Variants in KANSL3 observed in about 807,000 individuals in gnomAD.
The protein encoded by KANSL3 is KAT8 regulatory NSL complex subunit 3.
KANSL3 carries 16 observed loss-of-function variants against 89.2 expected under a neutral mutation model. The ratio of observed to expected loss-of-function variants is 0.18; its 90% confidence interval spans 0.12 to 0.27. KANSL3 has a LOEUF of 0.27. Ranked by LOEUF, KANSL3 falls within the 10% of genes least tolerant of loss-of-function variation. KANSL3 has a pLI of 1.00. For missense variants in KANSL3, 879 were observed against 1,110.6 expected (o/e 0.79, Z 2.96); for synonymous variants, 385 against 419.7 (o/e 0.92, Z 1.01).
chr2:96,588,736 G>A (rs1180734359), downstream of KANSL3, among the ~76,000 whole-genome samples: 1 of 151,220 alleles, frequency 6.6e-6, no homozygotes, highest in African/African-American at 2.4e-5. Context: ...GATTACAGGC[G>A]CCCACCACCA....
intron 20 of KANSL3, among the ~76,000 whole-genome samples, chr2:96,596,793 C>A (rs535933774): frequency 8.5e-5 from 13 of 152,364 alleles, no homozygotes; most frequent in African/African-American, 3.1e-4. Context: ...CTGCCAGAGG[C>A]CTCCAGCTAG....
intron 2 of KANSL3, among the ~76,000 whole-genome samples, chr2:96,633,417 C>T (rs1317914340): frequency 2.6e-5 from 4 of 151,792 alleles, no homozygotes; most frequent in Admixed American, 2.6e-4. Context: ...TTAAAAAAAA[C>T]AAAAATTAGG....
chr2:96,582,123 G>C, the KANSL3 span, among the ~76,000 whole-genome samples: 2 of 152,238 alleles, frequency 1.3e-5, no homozygotes, highest in Admixed American at 1.3e-4. Flanking sequence ...AGGTGCGGTG[G>C]CTCACATCTA....
chr2:96,638,245 C>G (rs1011327277), intron 1 of KANSL3, 38 bp downstream of exon 1: 2 of 152,360 alleles, frequency 1.3e-5, no homozygotes, highest in African/African-American at 4.8e-5. Flanking sequence ...GCGATCCCCA[C>G]GGCCCGCCAC....
intron 3 of KANSL3, among the ~76,000 whole-genome samples, chr2:96,629,809 TTCTC>T (rs1335629392): frequency 5.9e-5 from 9 of 152,242 alleles, no homozygotes; most frequent in South Asian, 2.1e-4. Flanking sequence ...CTACCCCTCT[TTCTC>T]TCTATTATAA....
At chr2:96,628,241 C>A in intron 3 of KANSL3, 1 of 985,106 alleles carries the variant, frequency 1.0e-6, no homozygotes, top group Non-Finnish European at 1.2e-6. Context: ...AGACTCTCCA[C>A]TCATCTATTC....
At chr2:96,595,657 G>A in intron 20 of KANSL3, 26 bp from the exon 21 acceptor site, 2 of 1,613,226 alleles carry the variant, frequency 1.2e-6, no homozygotes, top group Non-Finnish European at 1.7e-6. Context: ...TAGTGAAGAA[G>A]GGTCAAAGCT....
chr2:96,615,072 AC>A (rs924178838), intron 5 of KANSL3: 2 of 150,166 alleles, frequency 1.3e-5, no homozygotes, highest in African/African-American at 4.9e-5. Context: ...GGAAGCTGAG[AC>A]ACGAGAATCG....
chr2:96,580,934 G>C, the KANSL3 span, among the ~76,000 whole-genome samples: 8 of 152,208 alleles, frequency 5.3e-5, no homozygotes, highest in Non-Finnish European at 8.8e-5. Flanking sequence ...AACCAGTGCT[G>C]CCACCTCCTG....
At chr2:96,615,600 G>C (rs1339119618) in intron 5 of KANSL3, 1 of 1,008,008 alleles carries the variant, frequency 9.9e-7, no homozygotes, top group African/African-American at 1.7e-5. Context: ...GAAAGAAAAA[G>C]GTTTTGAAAA....
chr2:96,602,095 C>T (rs1295166817), intron 19 of KANSL3, 21 bp downstream of exon 19: 1 of 1,548,868 alleles, frequency 6.5e-7, no homozygotes, highest in African/African-American at 1.4e-5. Flanking sequence ...GGAGTCCCCA[C>T]AGTTCTCATG....
chr2:96,634,902 G>A (rs896083442), intron 2 of KANSL3, among the ~76,000 whole-genome samples: 3 of 152,178 alleles, frequency 2.0e-5, no homozygotes, highest in African/African-American at 7.2e-5. Context: ...AACTGCTCAA[G>A]CCAGAAATCT....
intron 20 of KANSL3, chr2:96,600,468 C>T (rs1013904337): frequency 8.1e-6 from 8 of 985,224 alleles, no homozygotes; most frequent in African/African-American, 7.0e-5. Flanking sequence ...ATGATCCCAA[C>T]GAATGTCAGG....
the KANSL3 span, among the ~76,000 whole-genome samples, chr2:96,581,301 G>A: frequency 6.6e-6 from 1 of 152,106 alleles, no homozygotes; most frequent in South Asian, 2.1e-4. Flanking sequence ...GCACATGCCT[G>A]TAATCCCTGC....
intron 2 of KANSL3, 117 bp from the exon 3 acceptor site, chr2:96,631,599 C>G: frequency 8.2e-7 from 1 of 1,213,770 alleles, no homozygotes. Context: ...CGCATAAGCA[C>G]ATTATATTCA....
downstream of KANSL3, among the ~76,000 whole-genome samples, chr2:96,591,984 C>T (rs2066283845): frequency 6.6e-6 from 1 of 152,134 alleles, no homozygotes; most frequent in Admixed American, 6.5e-5. Context: ...AAAATGTGTG[C>T]TTGAAAAAGA....
Position 96,637,090 on chromosome 2 carries a change from G to A in KANSL3, c.46C>T (p.Arg16Cys). 2.6e-6 allele frequency: 4 copies of A among 1,551,688 alleles called. No individual in the cohort carries two copies. The highest frequency in any genetic ancestry group is 2.4e-5 in the South Asian group (2 of 84,066). ...TGGAAGAGCAGCGAGGTGCCCATGC[G>A]TCGAGCTGAAGTCTGGAAGTCCCTC... ...GERDFQTSAR[R>C]MGTSLLFQLS... The change falls in exon 2 of 21, where the codon CGC (arginine) becomes TGC (cysteine). Residue 16 changes from arginine (R) to cysteine (C), a missense_variant. Transcript: ENST00000431828.
chr2:96,629,392 G>A (rs1249922010), intron 3 of KANSL3, among the ~76,000 whole-genome samples: 1 of 151,956 alleles, frequency 6.6e-6, no homozygotes, highest in South Asian at 2.1e-4. Context: ...GCACGATCTC[G>A]GCTCACCACA....
rs563986632 is a variant in KANSL3 at position 96,600,864 on chromosome 2, A to G, written c.2616+779T>C. The stretch of plus-strand genomic sequence containing the variant: ...TAAATGCTAAGATATGGGAAGGCAC[A>G]GTGCTAGAAAGCCAATGTCAAAGAA... On this transcript the variant is annotated intron_variant, in intron 20 of 20. Coordinates refer to ENST00000431828, the MANE Select transcript of KANSL3 (RefSeq NM_001115016.3). 9.1e-6 allele frequency: 9 copies of G among 985,468 alleles called. No homozygotes were observed. In the African/African-American group the frequency reaches 1.4e-4, roughly 15 times the overall value. The allele number at this position is 985,468 out of a possible 1,614,324, so 61.0% of individuals were successfully genotyped here.
Sources: allele counts gnomAD v4.1 joint callset (sites outside exome capture counted in the v4.1 genomes callset), GRCh38; gene constraint gnomAD v4.1.1; transcripts MANE v1.5; gene names NCBI Gene and HGNC (gene_info 2026-07-23, HGNC 2026-07-21).